Variants in CACNA2D4 observed in about 807,000 individuals in gnomAD.
CACNA2D4 encodes the protein voltage-dependent calcium channel subunit alpha-2/delta-4.
Under a neutral mutation model 163.8 loss-of-function variants are expected in CACNA2D4, and 157 were observed. The ratio of observed to expected loss-of-function variants is 0.96; its 90% CI spans 0.84 to 1.09. CACNA2D4 has a LOEUF of 1.09. CACNA2D4 is among the 50% of genes least tolerant of loss of function. CACNA2D4 has a pLI of 0.00. For missense variants in CACNA2D4, 1,410 were observed against 1,479.9 expected, an observed-to-expected ratio of 0.95 and a Z score of 0.78; for synonymous variants, 598 against 586.9, an observed-to-expected ratio of 1.02 and a Z score of -0.27.
Position 1,886,671 on chromosome 12 carries a change from G to T in CACNA2D4, c.843-298C>A, listed in dbSNP as rs1304486568. Among the ~76,000 whole-genome samples, 5 of 152,350 alleles carry T rather than the reference G, an allele frequency of 3.3e-5. No homozygotes were observed. The East Asian group carries it at 9.6e-4, about 29-fold the overall frequency. On this transcript the variant is annotated intron_variant, in intron 7 of 37. Transcript: ENST00000382722. Reference sequence around the variant, plus strand: ...CCCTGAGGGGCTGGCAGCAGAAAGGGAGAGAGCTGGGCTTCAGATTCTGTT... The same window carrying T: ...CCCTGAGGGGCTGGCAGCAGAAAGGTAGAGAGCTGGGCTTCAGATTCTGTT...
At chr12:1,831,212 G>A in intron 26 of CACNA2D4, 17 of 1,613,840 alleles carry the variant, frequency 1.1e-5, no homozygotes, top group Non-Finnish European at 1.4e-5. Context: ...TCGGGGACCT[G>A]ACGAATCTGA....
chr12:1,908,489 C>T lies in CACNA2D4; in HGVS notation c.487-452G>A, dbSNP rs7309405. On this transcript the variant is annotated intron_variant, in intron 4 of 37. Transcript: ENST00000382722. ...TCAGACGGGGCCCAGGTTCCGAGTC[C>T]CGCAGCTGCCCTCGGCCTCTCCCAC... is the stretch of plus-strand genomic sequence containing the variant. 7.0e-3 allele frequency among the ~76,000 whole-genome samples: 1,066 copies of T among 152,208 alleles called. 18 individuals carry two copies. The highest frequency in any genetic ancestry group is 0.024 in the African/African-American group (1,000 of 41,538).
Position 1,828,163 on chromosome 12 carries a change from C to T in CACNA2D4, c.2551+12576G>A, listed in dbSNP as rs1250379281. 4 of 1,544,262 alleles carry T rather than the reference C, an allele frequency of 2.6e-6. No homozygotes were observed. The highest frequency in any genetic ancestry group is 3.5e-4 in the Middle Eastern group (2 of 5,634). Reference sequence around the variant, plus strand: ...TGGGCCTCACCATGCTGGCGCCGGGCAGCAGCCCTGGGCAGAGGGGCAGGC... The same window carrying T: ...TGGGCCTCACCATGCTGGCGCCGGGTAGCAGCCCTGGGCAGAGGGGCAGGC... On this transcript the variant is annotated intron_variant, in intron 26 of 37. Coordinates refer to ENST00000382722, the MANE Select transcript of CACNA2D4 (RefSeq NM_172364.5). The surrounding 1 kb of genome is among the most constrained non-coding windows in gnomAD (Gnocchi z 4.2).
At chr12:1,842,431 G>A (rs1056981593) in intron 25 of CACNA2D4, among the ~76,000 whole-genome samples, 2 of 152,200 alleles carry the variant, frequency 1.3e-5, no homozygotes, top group Non-Finnish European at 2.9e-5. Flanking sequence ...CTTGAAACGC[G>A]GTTGTTTTCC....
intron 26 of CACNA2D4, among the ~76,000 whole-genome samples, chr12:1,819,721 C>G (rs1376246343): frequency 1.3e-5 from 2 of 152,158 alleles, no homozygotes; most frequent in Non-Finnish European, 2.9e-5. Context: ...AAGAAAGAGG[C>G]CTCCAAGTTC....
intron 23 of CACNA2D4, among the ~76,000 whole-genome samples, chr12:1,851,651 T>TTGTG (rs71055202): frequency 0.01 from 1,219 of 118,542 alleles, 28 homozygotes; most frequent in African/African-American, 0.03. Context: ...TGGTGTGTGT[T>TTGTG]TGTGTGTGTG....
At position 1,883,978 on chromosome 12, in the gene CACNA2D4, C is replaced by T. The variant is rs1052777184; in HGVS notation, c.1351+265G>A. ...CATTATTCCAGAGAAAACAGTGACC[C>T]TCTGCTTTTTGTCTGGGAGCAGAAC... On this transcript the variant is annotated intron_variant, in intron 12 of 37. Coordinates refer to ENST00000382722, the MANE Select transcript of CACNA2D4 (RefSeq NM_172364.5). This position sits in a 1 kb window ranked among gnomAD's most constrained non-coding sequence, Gnocchi z 4.5. 3.7e-5 allele frequency: 18 copies of T among 486,522 alleles called. No individual in the cohort carries two copies. The South Asian group carries it at 6.7e-4, about 18-fold the overall frequency. The allele number at this position is 486,522 out of a possible 1,614,324, so 30.1% of individuals were successfully genotyped here.
intron 29 of CACNA2D4, among the ~76,000 whole-genome samples, chr12:1,803,705 T>A (rs1011996229): frequency 3.9e-5 from 6 of 152,234 alleles, no homozygotes; most frequent in African/African-American, 1.4e-4. Flanking sequence ...TTACCTGGAA[T>A]GGCCTGACCA....
chr12:1,859,330 C>T (rs1865472967), intron 19 of CACNA2D4, among the ~76,000 whole-genome samples: 1 of 152,054 alleles, frequency 6.6e-6, no homozygotes, highest in Non-Finnish European at 1.5e-5. Flanking sequence ...GCACTTCAGC[C>T]TAGGAGACGG....
intron 6 of CACNA2D4, among the ~76,000 whole-genome samples, chr12:1,901,233 T>A (rs776671853): frequency 6.6e-6 from 1 of 152,174 alleles, no homozygotes; most frequent in South Asian, 2.1e-4. Flanking sequence ...GCTTTACGTG[T>A]CTACATCAAG....
intron 12 of CACNA2D4, 25 bp downstream of exon 12, chr12:1,884,218 A>G: frequency 1.3e-6 from 2 of 1,560,088 alleles, no homozygotes; most frequent in Non-Finnish European, 1.8e-6. Context: ...GCAGGTGGGA[A>G]GGTACCTGCT....
At chr12:1,808,124 C>T (rs1863600095) in intron 29 of CACNA2D4, among the ~76,000 whole-genome samples, 1 of 152,120 alleles carries the variant, frequency 6.6e-6, no homozygotes, top group Non-Finnish European at 1.5e-5. Context: ...CAAAGTGGCC[C>T]AGTGGGTTAT....
At chr12:1,822,169 G>T (rs931644907) in intron 26 of CACNA2D4, 2 of 152,152 alleles carry the variant, frequency 1.3e-5, no homozygotes, top group African/African-American at 2.4e-5. Context: ...TTAAGCAGCC[G>T]ATCTGGTGTC....
intron 26 of CACNA2D4, among the ~76,000 whole-genome samples, chr12:1,818,057 G>A (rs1318572331): frequency 2.0e-5 from 3 of 149,042 alleles, no homozygotes; most frequent in Non-Finnish European, 4.5e-5. Flanking sequence ...CTGCCCGGCC[G>A]CCCATCGTCT....
At chr12:1,856,723 C>T (rs539500745) in intron 20 of CACNA2D4, among the ~76,000 whole-genome samples, 13 of 152,302 alleles carry the variant, frequency 8.5e-5, no homozygotes, top group African/African-American at 2.2e-4. Flanking sequence ...GTGTGTTTTG[C>T]GGCCTCTCAC....
At position 1,917,749 on chromosome 12, in the gene CACNA2D4, T is replaced by TC. The variant is rs1170474429; in HGVS notation, c.227+497dup. Among the ~76,000 whole-genome samples the TC allele has an allele frequency of 6.6e-6, 1 of 152,088 alleles. No homozygotes were observed. Among genetic ancestry groups the TC allele is most frequent in the Non-Finnish European group, 1.5e-5 (1 of 68,016 alleles). On this transcript the variant is annotated intron_variant, in intron 1 of 37. Transcript: ENST00000382722. This position sits in a 1 kb window ranked among gnomAD's most constrained non-coding sequence, Gnocchi z 4.3. ...CTGCGGCCACCAAAATCCATTTTTT[T>TC]CCCCAGTTCCTGGACAAGCCACCTC...
rs548694001 is a variant in CACNA2D4, at chr12:1,858,758, C to T, written c.1941-114G>A. 85 of 690,018 alleles carry T rather than the reference C, an allele frequency of 1.2e-4. 1 individual carries two copies. The highest frequency in any genetic ancestry group is 1.1e-3 in the Middle Eastern group (4 of 3,700). The allele number at this position is 690,018 out of a possible 1,614,324, so 42.7% of individuals were successfully genotyped here. A position where few individuals can be genotyped will look rare whatever the true frequency, so the allele number is the denominator to read the frequency against. ...GTGTATGGGCTTTTTGTACCCACGA[C>T]GAGTGGTGTGCTCCTCATGCCCCCT... On this transcript the variant is annotated intron_variant, in intron 19 of 37. Coordinates refer to ENST00000382722, the MANE Select transcript of CACNA2D4 (RefSeq NM_172364.5).
rs959086304 is a variant in CACNA2D4 at position 1,792,325 on chromosome 12, G to A, written c.*1330C>T. On this transcript the variant is annotated 3_prime_UTR_variant, in exon 38 of 38. Coordinates refer to ENST00000382722, the MANE Select transcript of CACNA2D4 (RefSeq NM_172364.5). ...AGAGTGACATTCTGTAACCGATAAT[G>A]TAAGTGTGTTTTACAGAGTTGGCAT... is the stretch of plus-strand genomic sequence containing the variant. 3 of 152,262 alleles carry A rather than the reference G, an allele frequency of 2.0e-5. No homozygotes were observed. Among genetic ancestry groups the A allele is most frequent in the African/African-American group, 4.8e-5 (2 of 41,464 alleles). The allele number at this position is 152,262 out of a possible 1,614,324, so 9.4% of individuals were successfully genotyped here.
At position 1,856,129 on chromosome 12, in the gene CACNA2D4, G is replaced by C. The variant is rs370342855; in HGVS notation, c.2055-20C>G. On this transcript the variant is annotated intron_variant, in intron 21 of 37. Coordinates refer to ENST00000382722, the MANE Select transcript of CACNA2D4 (RefSeq NM_172364.5). ...TAGATCCTGAAACCCAGGAAAGTCA[G>C]TGTTATCTCAAAACATTCCACCTGT... 15 of 1,613,540 alleles carry C rather than the reference G, an allele frequency of 9.3e-6. No individual in the cohort carries two copies. The African/African-American group carries it at 2.0e-4, about 22-fold the overall frequency.
Sources: gnomAD v4.1 joint callset for allele counts (sites outside exome capture counted in the v4.1 genomes callset) on GRCh38, gnomAD v4.1.1 for gene constraint, Gnocchi (gnomAD v3.1) non-coding constraint, MANE v1.5 for transcripts, NCBI Gene and HGNC (gene_info 2026-07-23, HGNC 2026-07-21) for gene names.